Variants in KCNN2 observed in about 807,000 individuals in gnomAD.
KCNN2 encodes the protein potassium calcium-activated channel subfamily N member 2.
Under a neutral mutation model 55.5 loss-of-function variants are expected in KCNN2, and 24 were observed. The ratio of observed to expected loss-of-function variants is 0.43; its 90% CI spans 0.31 to 0.61. The LOEUF is 0.61. Ranked by LOEUF, KCNN2 falls within the 20% of genes least tolerant of loss-of-function variation. The pLI is 0.08. For missense variants in KCNN2, 754 were observed against 853.6 expected (o/e 0.88, Z 1.45); for synonymous variants, 431 against 336.1 (o/e 1.28, Z -3.09).
At chr5:114,096,465 A>T (rs758429237) in intron 1 of KCNN2, among the ~76,000 whole-genome samples, 10 of 152,104 alleles carry the variant, frequency 6.6e-5, no homozygotes, top group Non-Finnish European at 1.0e-4. Context: ...TAGTGAAGAG[A>T]CTTGAAACCA....
At chr5:114,385,461 A>T (rs1160259855) in intron 2 of KCNN2, among the ~76,000 whole-genome samples, 1 of 151,390 alleles carries the variant, frequency 6.6e-6, no homozygotes, top group Non-Finnish European at 1.5e-5. Flanking sequence ...GTTCTTTGTG[A>T]TCTTACCTCT....
chr5:114,491,846 T>G (rs1197169438), intron 6 of KCNN2, among the ~76,000 whole-genome samples: 2 of 152,070 alleles, frequency 1.3e-5, no homozygotes, highest in African/African-American at 4.8e-5. Flanking sequence ...GATGTCTAAG[T>G]GTTCTTTTTA....
chr5:114,247,192 CAT>C, intron 2 of KCNN2, among the ~76,000 whole-genome samples: 2 of 99,640 alleles, frequency 2.0e-5, no homozygotes, highest in South Asian at 7.4e-4. Flanking sequence ...GGCATGGTAC[CAT>C]ATGTCTCCAA....
chr5:114,495,830 T>C (rs1748087724), intron 7 of KCNN2, 65 bp from the exon 8 acceptor site: 2 of 1,488,698 alleles, frequency 1.3e-6, no homozygotes, highest in Non-Finnish European at 1.8e-6. Context: ...GCTAAACCTC[T>C]GAGAGGTGGA....
intron 1 of KCNN2, among the ~76,000 whole-genome samples, chr5:114,078,514 A>T (rs1020122870): frequency 6.6e-6 from 1 of 152,188 alleles, no homozygotes; most frequent in African/African-American, 2.4e-5. Flanking sequence ...CTGAGCCCTG[A>T]TGAAGACAGA....
chr5:114,487,023 C>T, intron 5 of KCNN2, 27 bp from the exon 6 acceptor site: 1 of 1,611,584 alleles, frequency 6.2e-7, no homozygotes, highest in Non-Finnish European at 8.5e-7. Flanking sequence ...TGGAATTTAT[C>T]AACTGCTTTG....
intron 1 of KCNN2, among the ~76,000 whole-genome samples, chr5:114,074,722 C>T (rs1437004693): frequency 6.6e-6 from 1 of 152,002 alleles, no homozygotes; most frequent in Non-Finnish European, 1.5e-5. Flanking sequence ...TTCCAACTGC[C>T]CAGAGAGATT....
intron 1 of KCNN2, among the ~76,000 whole-genome samples, chr5:114,148,026 A>G (rs1029537106): frequency 2.0e-5 from 3 of 152,202 alleles, no homozygotes; most frequent in African/African-American, 7.2e-5. Context: ...AATCTGTCGA[A>G]TAGATTGTAA....
At chr5:114,491,917 C>G (rs1390515715) in intron 6 of KCNN2, among the ~76,000 whole-genome samples, 6 of 152,040 alleles carry the variant, frequency 3.9e-5, no homozygotes, top group Non-Finnish European at 5.9e-5. Flanking sequence ...AATTGTAACC[C>G]TATTAATTAC....
At chr5:114,094,878 AT>A in intron 1 of KCNN2, among the ~76,000 whole-genome samples, 2 of 152,206 alleles carry the variant, frequency 1.3e-5, no homozygotes, top group East Asian at 3.9e-4. Context: ...GGAGTACTCA[AT>A]GCTTTCTTAT....
At chr5:114,213,470 A>G (rs1334832917) in intron 1 of KCNN2, among the ~76,000 whole-genome samples, 1 of 151,452 alleles carries the variant, frequency 6.6e-6, no homozygotes, top group East Asian at 1.9e-4. Context: ...AATTGTCAAG[A>G]AAGAGTTTAT....
At chr5:114,149,472 G>C (rs1382988208) in intron 1 of KCNN2, among the ~76,000 whole-genome samples, 1 of 152,094 alleles carries the variant, frequency 6.6e-6, no homozygotes, top group Admixed American at 6.5e-5. Context: ...GGTCCAGGGG[G>C]GTCACTGCCT....
intron 1 of KCNN2, among the ~76,000 whole-genome samples, chr5:114,175,341 A>C (rs1753113836): frequency 6.6e-6 from 1 of 152,216 alleles, no homozygotes; most frequent in Admixed American, 6.6e-5. Context: ...TTTCTGCAAC[A>C]TTAAGTTGTG....
chr5:114,160,789 G>A lies in KCNN2; in HGVS notation c.-270-60691G>A, dbSNP rs1167337023. 5.3e-5 allele frequency among the ~76,000 whole-genome samples: 8 copies of A among 149,908 alleles called. No homozygotes were observed. The East Asian group carries it at 1.4e-3, about 25-fold the overall frequency. ...TTCTTTGTCTCTTTTGATCTTTGTT[G>A]GTTTAAAGTCTGTTTTATCAGAGAC... On this transcript the variant is annotated intron_variant, in intron 1 of 10. Transcript: ENST00000512097.
chr5:114,489,940 G>C (rs1252910563), intron 6 of KCNN2, among the ~76,000 whole-genome samples: 3 of 152,146 alleles, frequency 2.0e-5, no homozygotes, highest in Admixed American at 2.0e-4. Context: ...TTTTTCAGCA[G>C]CTCTCTGCTT....
intron 2 of KCNN2, among the ~76,000 whole-genome samples, chr5:114,269,545 A>G (rs1755280054): frequency 6.7e-6 from 1 of 150,362 alleles, no homozygotes; most frequent in Non-Finnish European, 1.5e-5. Context: ...GACCGACTCT[A>G]GAACTGCTGA....
chr5:114,255,142 G>A (rs928260874), intron 2 of KCNN2, among the ~76,000 whole-genome samples: 8 of 152,104 alleles, frequency 5.3e-5, no homozygotes, highest in Non-Finnish European at 8.8e-5. Context: ...TATAAGTTAC[G>A]GTGAAAGGCA....
At chr5:114,109,540 A>G (rs1412407563) in intron 1 of KCNN2, among the ~76,000 whole-genome samples, 2 of 152,156 alleles carry the variant, frequency 1.3e-5, no homozygotes, top group South Asian at 2.1e-4. Flanking sequence ...TTCTCCAGAG[A>G]TGCACACTTT....
At chr5:114,294,127 T>C (rs1412765039) in intron 2 of KCNN2, among the ~76,000 whole-genome samples, 2 of 152,146 alleles carry the variant, frequency 1.3e-5, no homozygotes, top group African/African-American at 2.4e-5. Context: ...ATTTTGTTGA[T>C]CTTTTCAAAA....
Sources: allele counts gnomAD v4.1 joint callset (sites outside exome capture counted in the v4.1 genomes callset), GRCh38; gene constraint gnomAD v4.1.1; transcripts MANE v1.5; gene names NCBI Gene and HGNC (gene_info 2026-07-23, HGNC 2026-07-21).